PCDHGB6: variants seen among roughly 807,000 people sequenced by gnomAD.
PCDHGB6 encodes protocadherin gamma-B6.
Under a neutral mutation model 59.1 loss-of-function variants are expected in PCDHGB6, and 51 were observed. The observed-to-expected ratio is 0.86, with a 90% CI of 0.69 to 1.09. The LOEUF (loss-of-function observed/expected upper bound fraction) is 1.09, where lower values mean the gene tolerates loss of function less well. Ranked by LOEUF, PCDHGB6 falls within the 50% of genes least tolerant of loss-of-function variation. The pLI, the probability that PCDHGB6 is intolerant of heterozygous loss-of-function variation, is 0.00. For missense variants in PCDHGB6, 1,148 were observed against 1,205.1 expected (o/e 0.95, Z 0.70); for synonymous variants, 466 against 495.1 (o/e 0.94, Z 0.78).
rs768917889 is a variant in PCDHGB6, at chr5:141,409,711, A to T, written c.1509A>T (p.Ser503=). The change falls in exon 1 of 4, where the codon TCA becomes TCT. Residue 503 remains serine (S), a synonymous_variant. Coordinates refer to ENST00000520790, the MANE Select transcript of PCDHGB6 (RefSeq NM_018926.3). ...ASDLEPLAVS[S]YVSVSAQSGV... ...ACCTAGAGCCCCTGGCGGTGTCGTC[A>T]TACGTGTCAGTGAGCGCGCAGAGCG... The T allele has an allele frequency of 6.2e-7, 1 of 1,613,204 alleles. No individual in the cohort carries two copies. Among genetic ancestry groups the T allele is most frequent in the Non-Finnish European group, 8.5e-7 (1 of 1,179,862 alleles).
intron 1 of PCDHGB6, chr5:141,422,768 T>C: frequency 6.2e-7 from 1 of 1,613,824 alleles, no homozygotes. Context: ...AACACTGGTG[T>C]TCTCTATGCC....
At chr5:141,447,244 A>G (rs1475037979) in intron 1 of PCDHGB6, among the ~76,000 whole-genome samples, 1 of 152,062 alleles carries the variant, frequency 6.6e-6, no homozygotes, top group South Asian at 2.1e-4. Flanking sequence ...GGTTCAAGTG[A>G]TTCTTCTGTC....
chr5:141,489,288 G>A lies in PCDHGB6; in HGVS notation c.2419-5519G>A. 6.3e-7 allele frequency: 1 copy of A among 1,575,870 alleles called. No homozygotes were observed. Among genetic ancestry groups the A allele is most frequent in the Non-Finnish European group, 8.6e-7 (1 of 1,161,152 alleles). On this transcript the variant is annotated intron_variant, in intron 1 of 3. Coordinates refer to ENST00000520790, the MANE Select transcript of PCDHGB6 (RefSeq NM_018926.3). The surrounding 1 kb of genome is among the most constrained non-coding windows in gnomAD (Gnocchi z 4.5). ...AGCTCGCTGGGAAATGGCAAGTGCT[G>A]TGCATGTTGTCCTTGTGCTGCTGGG...
intron 1 of PCDHGB6, chr5:141,478,270 C>G (rs1347709530): frequency 5.6e-6 from 9 of 1,614,078 alleles, no homozygotes; most frequent in Non-Finnish European, 6.8e-6. Context: ...TCAAAGTTTA[C>G]AAGTGGAAGC....
At chr5:141,483,333 C>G (rs566443186) in intron 1 of PCDHGB6, among the ~76,000 whole-genome samples, 1 of 152,096 alleles carries the variant, frequency 6.6e-6, no homozygotes, top group East Asian at 1.9e-4. Context: ...GCAAAGAGAT[C>G]TTATCTCTTT....
chr5:141,487,864 C>A lies in PCDHGB6; in HGVS notation c.2419-6943C>A. On this transcript the variant is annotated intron_variant, in intron 1 of 3. Coordinates refer to ENST00000520790, the MANE Select transcript of PCDHGB6 (RefSeq NM_018926.3). The surrounding 1 kb of genome is among the most constrained non-coding windows in gnomAD (Gnocchi z 5.0). ...GTAAGAAATGAAAGTAATTGGTGAT[C>A]AAGAGCCAGGCTGTTGTGGAAGCAT... 1 of 899,610 alleles carries A rather than the reference C, an allele frequency of 1.1e-6. No individual in the cohort carries two copies. Among genetic ancestry groups the A allele is most frequent in the Non-Finnish European group, 1.7e-6 (1 of 599,584 alleles). The allele number at this position is 899,610 out of a possible 1,614,324, so 55.7% of individuals were successfully genotyped here.
rs1440733700 is a variant in PCDHGB6 at position 141,441,803 on chromosome 5, G to A, written c.2418+31183G>A. 249 of 383,164 alleles carry A rather than the reference G, an allele frequency of 6.5e-4. 2 individuals carry two copies. Among genetic ancestry groups the A allele is most frequent in the African/African-American group, 4.8e-3 (220 of 45,902 alleles). The allele number at this position is 383,164 out of a possible 1,614,324, so 23.7% of individuals were successfully genotyped here. The stretch of plus-strand genomic sequence containing the variant: ...ACCTGAATGACAACGCACCGCGGGT[G>A]CTGTACCCCAGCTCTGGAGCGCAAT... On this transcript the variant is annotated intron_variant, in intron 1 of 3. Coordinates refer to ENST00000520790, the MANE Select transcript of PCDHGB6 (RefSeq NM_018926.3).
intron 1 of PCDHGB6, chr5:141,422,778 C>T (rs1041081332): frequency 1.9e-6 from 3 of 1,613,932 alleles, no homozygotes; most frequent in Admixed American, 1.7e-5. Flanking sequence ...TTCTCTATGC[C>T]CTACAATCCT....
Position 141,466,657 on chromosome 5 carries a change from C to T in PCDHGB6, c.2419-28150C>T, listed in dbSNP as rs143657719. Among the ~76,000 whole-genome samples the T allele has an allele frequency of 1.4e-3, 211 of 152,280 alleles. 1 individual carries two copies. The highest frequency in any genetic ancestry group is 4.7e-3 in the African/African-American group (197 of 41,542). On this transcript the variant is annotated intron_variant, in intron 1 of 3. Transcript: ENST00000520790. ...TCTCCATAAACTTTTCACAAAACAT[C>T]AGTGATTTCACCGTTCTTCCACTCA...
At chr5:141,457,736 T>G (rs1265562501) in intron 1 of PCDHGB6, among the ~76,000 whole-genome samples, 1 of 152,254 alleles carries the variant, frequency 6.6e-6, no homozygotes, top group African/African-American at 2.4e-5. Flanking sequence ...AGATTAGACT[T>G]TTAAAGCTGA....
intron 1 of PCDHGB6, among the ~76,000 whole-genome samples, chr5:141,468,994 T>C (rs2099188173): frequency 6.7e-6 from 1 of 148,824 alleles, no homozygotes; most frequent in Non-Finnish European, 1.5e-5. Context: ...ATTATTGTTT[T>C]TGCTGGGTGC....
At position 141,423,654 on chromosome 5, in the gene PCDHGB6, T is replaced by C. The variant is rs768410507; in HGVS notation, c.2418+13034T>C. The C allele has an allele frequency of 6.3e-6, 10 of 1,583,982 alleles. No individual in the cohort carries two copies. The Admixed American group carries it at 1.8e-4, about 28-fold the overall frequency. ...TTTTAGGCAAATGTGACCCGACAAG[T>C]AATCAGGTGAGATTTATTTCTCTGC... On this transcript the variant is annotated intron_variant, in intron 1 of 3. Transcript: ENST00000520790.
In PCDHGB6 at chr5:141,512,926, T is replaced by C. The variant is rs1438111849; in HGVS notation, c.*1753T>C. The C allele has an allele frequency of 6.6e-6, 1 of 152,216 alleles. No homozygotes were observed. The highest frequency in any genetic ancestry group is 1.5e-5 in the Non-Finnish European group (1 of 68,048). 9.4% of individuals were successfully genotyped at this position (152,216 alleles called of 1,614,324 possible). A position where few individuals can be genotyped will look rare whatever the true frequency, so the allele number is the denominator to read the frequency against. On this transcript the variant is annotated 3_prime_UTR_variant, in exon 4 of 4. Coordinates refer to ENST00000520790, the MANE Select transcript of PCDHGB6 (RefSeq NM_018926.3). ...CGCAAGTTTTATACTCTAATATTTA[T>C]ATGGCTTTTTTTCTTCGACAAAAAA...
intron 1 of PCDHGB6, chr5:141,422,106 C>T: frequency 6.2e-7 from 1 of 1,607,266 alleles, no homozygotes; most frequent in Non-Finnish European, 8.5e-7. Flanking sequence ...CTGAAATATT[C>T]CAATTGGATT....
intron 1 of PCDHGB6, among the ~76,000 whole-genome samples, chr5:141,455,315 T>G (rs1416163436): frequency 6.6e-6 from 1 of 152,152 alleles, no homozygotes; most frequent in Non-Finnish European, 1.5e-5. Context: ...TTAGCAATTT[T>G]GTGTGTGTGT....
Position 141,487,945 on chromosome 5 carries a change from G to A in PCDHGB6, c.2419-6862G>A, listed in dbSNP as rs2099669554. ...CAGTGCACAGGGTACAGTGCACCAG[G>A]CAGTCACTTGGACAAAGGTGGCTGT... On this transcript the variant is annotated intron_variant, in intron 1 of 3. Transcript: ENST00000520790. This position sits in a 1 kb window ranked among gnomAD's most constrained non-coding sequence, Gnocchi z 5.0. Among the ~76,000 whole-genome samples the A allele has an allele frequency of 6.6e-6, 1 of 152,198 alleles. No individual in the cohort carries two copies. Among genetic ancestry groups the A allele is most frequent in the Non-Finnish European group, 1.5e-5 (1 of 68,036 alleles).
intron 1 of PCDHGB6, chr5:141,421,969 T>C (rs1039340340): frequency 1.2e-6 from 2 of 1,611,188 alleles, no homozygotes; most frequent in Admixed American, 1.7e-5. Flanking sequence ...ACAGTCCGTA[T>C]ATCGCGTGAG....
At chr5:141,419,276 CAA>C in intron 1 of PCDHGB6, 4 of 1,614,038 alleles carry the variant, frequency 2.5e-6, no homozygotes, top group Non-Finnish European at 3.4e-6. Flanking sequence ...CTCCATAGCG[CAA>C]GTCAGTGCCT....
Position 141,511,656 on chromosome 5 carries a change from C to T in PCDHGB6, c.*483C>T, listed in dbSNP as rs2099883892. On this transcript the variant is annotated 3_prime_UTR_variant, in exon 4 of 4. Transcript: ENST00000520790. ...GGGCATCATGACCTCTTGGCCTCTC[C>T]TTTGATTCTCAATCTTCCCCCAAAG... is the stretch of plus-strand genomic sequence containing the variant. 4.9e-6 allele frequency: 1 copy of T among 206,024 alleles called. No individual in the cohort carries two copies. The highest frequency in any genetic ancestry group is 5.2e-5 in the Admixed American group (1 of 19,114). 12.8% of individuals were successfully genotyped at this position (206,024 alleles called of 1,614,324 possible).
Sources: allele counts gnomAD v4.1 joint callset (sites outside exome capture counted in the v4.1 genomes callset), GRCh38; gene constraint gnomAD v4.1.1; non-coding constraint Gnocchi (gnomAD v3.1); transcripts MANE v1.5; gene names NCBI Gene and HGNC (gene_info 2026-07-23, HGNC 2026-07-21).